Variants in EML5 observed in about 807,000 individuals in gnomAD.
EML5 encodes the protein echinoderm microtubule-associated protein-like 5.
EML5 carries 120 observed loss-of-function variants against 250.0 expected under a neutral mutation model. That is an observed-to-expected ratio of 0.48 (90% CI 0.41 to 0.56). The LOEUF (loss-of-function observed/expected upper bound fraction) is 0.56. Among genes scored for constraint, EML5 ranks in the 20% least tolerant of loss-of-function variants. EML5 has a pLI of 0.00. For missense variants in EML5, 2,006 were observed against 2,437.6 expected, an observed-to-expected ratio of 0.82 and a Z score of 3.73; for synonymous variants, 771 against 806.5, an observed-to-expected ratio of 0.96 and a Z score of 0.75.
intron 27 of EML5, among the ~76,000 whole-genome samples, chr14:88,652,411 T>A (rs1712082392): frequency 1.3e-5 from 2 of 152,114 alleles, no homozygotes; most frequent in South Asian, 2.1e-4. Flanking sequence ...ATTACTAACG[T>A]GTTTTTCACC....
intron 20 of EML5, among the ~76,000 whole-genome samples, chr14:88,682,987 G>C (rs553740155): frequency 6.7e-6 from 1 of 150,080 alleles, no homozygotes; most frequent in African/African-American, 2.5e-5. Flanking sequence ...AATCCAGATA[G>C]CTCCTAATCT....
At chr14:88,693,089 C>T (rs779229937) in intron 17 of EML5, among the ~76,000 whole-genome samples, 1 of 152,044 alleles carries the variant, frequency 6.6e-6, no homozygotes, top group Non-Finnish European at 1.5e-5. Flanking sequence ...ACTTTTGTAT[C>T]ATTTAATAGC....
rs1318595947 is a variant in EML5, at chr14:88,685,619, A to T, written c.2855-477T>A. Among the ~76,000 whole-genome samples the T allele has an allele frequency of 2.0e-5, 3 of 149,680 alleles. No individual in the cohort carries two copies. In the South Asian group the frequency reaches 6.4e-4, roughly 32 times the overall value. ...ATAACCCACATACATCATTCCATAT[A>T]TTTTTTTTTTCAGTAGGGTGGGGTT... On this transcript the variant is annotated intron_variant, in intron 19 of 43. Coordinates refer to ENST00000554922, the MANE Select transcript of EML5 (RefSeq NM_183387.3).
rs780601982 is a variant in EML5, at chr14:88,620,720, T to C, written c.5375+34A>G. On this transcript the variant is annotated intron_variant, in intron 39 of 43. Coordinates refer to ENST00000554922, the MANE Select transcript of EML5 (RefSeq NM_183387.3). This position sits in a 1 kb window ranked among gnomAD's most constrained non-coding sequence, Gnocchi z 4.3. ...TTACAAATGGAAGTTAAATCAAGTA[T>C]ATACTAGAAACTCTATTCCATTTGT... 1 of 1,476,090 alleles carries C rather than the reference T, an allele frequency of 6.8e-7. No individual in the cohort carries two copies. Among genetic ancestry groups the C allele is most frequent in the Non-Finnish European group, 9.0e-7 (1 of 1,116,760 alleles). The allele number at this position is 1,476,090 out of a possible 1,614,324, so 91.4% of individuals were successfully genotyped here.
At chr14:88,786,466 G>A (rs1291071371) in intron 1 of EML5, among the ~76,000 whole-genome samples, 1 of 152,160 alleles carries the variant, frequency 6.6e-6, no homozygotes, top group African/African-American at 2.4e-5. Flanking sequence ...GTAAATATTT[G>A]CTGAAAGAAC....
chr14:88,710,546 T>G (rs914964994), intron 10 of EML5, among the ~76,000 whole-genome samples: 1 of 152,214 alleles, frequency 6.6e-6, no homozygotes, highest in African/African-American at 2.4e-5. Context: ...TATGTAATTA[T>G]GTGAATTCAA....
At chr14:88,700,052 A>G (rs1042552717) in intron 14 of EML5, among the ~76,000 whole-genome samples, 23 of 152,186 alleles carry the variant, frequency 1.5e-4, no homozygotes, top group African/African-American at 5.5e-4. Context: ...AGTGGCAGCC[A>G]GTCTGAGTTA....
At chr14:88,740,828 A>G (rs533493982) in intron 4 of EML5, among the ~76,000 whole-genome samples, 1 of 152,318 alleles carries the variant, frequency 6.6e-6, no homozygotes, top group South Asian at 2.1e-4. Flanking sequence ...TTTTTAAAAT[A>G]TGCTATGCTT....
chr14:88,721,100 C>A (rs1335440689), intron 8 of EML5, among the ~76,000 whole-genome samples: 1 of 152,048 alleles, frequency 6.6e-6, no homozygotes. Flanking sequence ...AACTACAAAC[C>A]ACTGCACAAG....
At chr14:88,735,083 A>G (rs74075866) in intron 7 of EML5, among the ~76,000 whole-genome samples, 130 of 152,016 alleles carry the variant, frequency 8.6e-4, no homozygotes, top group African/African-American at 2.8e-3. Flanking sequence ...GAAATCAGGG[A>G]AAAAAAAGAC....
chr14:88,780,527 G>A (rs2094487473), intron 1 of EML5, among the ~76,000 whole-genome samples: 1 of 151,924 alleles, frequency 6.6e-6, no homozygotes, highest in Admixed American at 6.6e-5. Context: ...GGATCGACAG[G>A]TCTAAAATCC....
Position 88,681,956 on chromosome 14 carries a change from T to A in EML5, c.3058A>T (p.Lys1020Ter), listed in dbSNP as rs2092722410. ...GAGAGATCCCATATTCTTAAGGTTTTATCATCGCTTACAGTAGCACAGATG... is the reference window on the plus strand; with the variant it reads ...GAGAGATCCCATATTCTTAAGGTTTAATCATCGCTTACAGTAGCACAGATG... Reference protein sequence around the residue: ...LPICATVSDDKTLRIWDLSPS... With the variant: ...LPICATVSDD The change falls in exon 21 of 44, where the codon AAA becomes TAA. Residue 1020 changes from lysine (K) to a stop codon, truncating the protein, a stop_gained. Coordinates refer to ENST00000554922, the MANE Select transcript of EML5 (RefSeq NM_183387.3). LOFTEE classifies it high-confidence loss of function. 1 of 1,613,738 alleles carries A rather than the reference T, an allele frequency of 6.2e-7. No homozygotes were observed. The highest frequency in any genetic ancestry group is 8.5e-7 in the Non-Finnish European group (1 of 1,179,800).
At chr14:88,624,312 C>G (rs148741803) in intron 36 of EML5, 1 of 152,336 alleles carries the variant, frequency 6.6e-6, no homozygotes, top group Admixed American at 6.5e-5. Context: ...TGGGCTCAAG[C>G]GATCCACCTG....
rs879699254 is a variant in EML5, at chr14:88,614,920, G to T, written c.*898C>A. 6.6e-6 allele frequency: 1 copy of T among 152,118 alleles called. No homozygotes were observed. The highest frequency in any genetic ancestry group is 1.5e-5 in the Non-Finnish European group (1 of 68,002). The allele number at this position is 152,118 out of a possible 1,614,324, so 9.4% of individuals were successfully genotyped here. On this transcript the variant is annotated 3_prime_UTR_variant, in exon 44 of 44. Coordinates refer to ENST00000554922, the MANE Select transcript of EML5 (RefSeq NM_183387.3). Reference sequence around the variant, plus strand: ...AAGAGTGATTAAATTGTATAATGTTGTATATGTGAATTTAACACTTTTGTT... The same window carrying T: ...AAGAGTGATTAAATTGTATAATGTTTTATATGTGAATTTAACACTTTTGTT...
chr14:88,763,596 AT>A (rs1299782226), intron 1 of EML5, among the ~76,000 whole-genome samples: 1 of 152,216 alleles, frequency 6.6e-6, no homozygotes, highest in Admixed American at 6.5e-5. Context: ...AGCTGGTACC[AT>A]TCCTTCCAGA....
chr14:88,671,427 G>A (rs2092459486), intron 21 of EML5, among the ~76,000 whole-genome samples: 1 of 152,170 alleles, frequency 6.6e-6, no homozygotes, highest in Non-Finnish European at 1.5e-5. Context: ...AAAGGAAAAA[G>A]TGTTACCAGC....
At chr14:88,747,184 G>A (rs1566743538) in intron 2 of EML5, among the ~76,000 whole-genome samples, 1 of 152,090 alleles carries the variant, frequency 6.6e-6, no homozygotes, top group African/African-American at 2.4e-5. Context: ...GGCCAAGGCA[G>A]GTGGATTGCT....
Position 88,664,621 on chromosome 14 carries a change from G to A in EML5, c.3281C>T (p.Ser1094Phe). ...GGATGCTACAGCAAGATATTTCCCA[G>A]AACCTATAATAGAAACATATTTGCT... Reference protein sequence around the residue: ...MISDIRFSPGSGKYLAVASHD... With the variant: ...MISDIRFSPGFGKYLAVASHD... The change falls in exon 23 of 44, where the codon TCT (serine) becomes TTT (phenylalanine). Residue 1094 changes from serine (S) to phenylalanine (F), a missense_variant. Physicochemically the swap from Ser to Phe is radical, Grantham distance 155 (BLOSUM62 -2). This residue lies in a region of EML5 where 1,375 missense variants were observed against 1,590.3 expected (regional missense o/e 0.86). Transcript: ENST00000554922. 6.2e-7 allele frequency: 1 copy of A among 1,604,080 alleles called. No individual in the cohort carries two copies. The highest frequency in any genetic ancestry group is 8.5e-7 in the Non-Finnish European group (1 of 1,177,044).
chr14:88,784,409 A>G (rs1341698044), intron 1 of EML5, among the ~76,000 whole-genome samples: 1 of 149,220 alleles, frequency 6.7e-6, no homozygotes, highest in East Asian at 2.0e-4. Flanking sequence ...CCACATTAAG[A>G]AAAAAAAAAC....
Sources: allele counts gnomAD v4.1 joint callset (sites outside exome capture counted in the v4.1 genomes callset), GRCh38; gene constraint gnomAD v4.1.1; regional missense constraint gnomAD v4.1.1; non-coding constraint Gnocchi (gnomAD v3.1); transcripts MANE v1.5; gene names NCBI Gene and HGNC (gene_info 2026-07-23, HGNC 2026-07-21).